Variants in LARS1 observed in about 807,000 individuals in gnomAD.
LARS1 encodes the protein leucyl-tRNA synthetase 1.
In LARS1, 100 loss-of-function variants were observed where a neutral mutation model predicts 162.8. That is an observed-to-expected ratio of 0.61 (90% CI 0.52 to 0.73). The LOEUF is 0.73. LARS1 is among the 30% of genes least tolerant of loss of function. The probability of loss-of-function intolerance (pLI) is 0.00; values close to 1 mark genes in which losing one functional copy is unlikely to be tolerated. For synonymous variants in LARS1, 457 were observed against 462.8 expected (o/e 0.99, Z 0.16); for missense variants, 1,258 against 1,408.9 (o/e 0.89, Z 1.71).
At chr5:146,121,647 T>TA (rs1751822963) in intron 30 of LARS1, among the ~76,000 whole-genome samples, 1 of 152,054 alleles carries the variant, frequency 6.6e-6, no homozygotes, top group Non-Finnish European at 1.5e-5. Flanking sequence ...TATGCAGCCA[T>TA]AAAAAATGAT....
intron 4 of LARS1, among the ~76,000 whole-genome samples, chr5:146,169,338 A>G (rs1754157041): frequency 6.6e-6 from 1 of 152,202 alleles, no homozygotes; most frequent in Admixed American, 6.5e-5. Context: ...GATGACACCA[A>G]GTAAACACTG....
At chr5:146,126,585 G>C (rs1561799142) in intron 27 of LARS1, 40 bp from the exon 28 acceptor site, 3 of 1,413,432 alleles carry the variant, frequency 2.1e-6, no homozygotes, top group Non-Finnish European at 1.0e-6. Flanking sequence ...AGAAAAAAAA[G>C]TCTCAAGAAT....
At position 146,129,124 on chromosome 5, in the gene LARS1, A is replaced by T. The variant is rs1459659757; in HGVS notation, c.2629-6T>A. On this transcript the variant is annotated splice_region_variant and splice_polypyrimidine_tract_variant and intron_variant, in intron 25 of 31. Coordinates refer to ENST00000394434, the MANE Select transcript of LARS1 (RefSeq NM_020117.11). Reference sequence around the variant, plus strand: ...GCATTCATAATTGAGTCAGGCTTTTAAAAAAAGAAAAACAAAAAAACCTTC... The same window carrying T: ...GCATTCATAATTGAGTCAGGCTTTTTAAAAAAGAAAAACAAAAAAACCTTC... 3 of 1,562,184 alleles carry T rather than the reference A, an allele frequency of 1.9e-6. No individual in the cohort carries two copies. In the Admixed American group the frequency reaches 6.5e-5, roughly 34 times the overall value.
intron 18 of LARS1, among the ~76,000 whole-genome samples, chr5:146,143,836 T>C (rs1468115564): frequency 6.6e-6 from 1 of 151,616 alleles, no homozygotes; most frequent in Non-Finnish European, 1.5e-5. Context: ...CCGTCTCTAC[T>C]AAAAGTACAA....
At chr5:146,127,506 T>C (rs1344267555) in intron 27 of LARS1, among the ~76,000 whole-genome samples, 2 of 152,026 alleles carry the variant, frequency 1.3e-5, no homozygotes, top group Admixed American at 1.3e-4. Context: ...AGCAAATGAA[T>C]AGTAAGTAAA....
At position 146,144,296 on chromosome 5, in the gene LARS1, T is replaced by C; in HGVS notation, c.1709A>G (p.Glu570Gly). ...NFEATLGWLQ[E>G]HACSRTYGLG... ...ACCATAAGTTCTTGAGCAAGCATGT[T>C]CTTGTAGCCAACCTAAGGTGGCTTC... Residue 570 changes from glutamate (E) to glycine (G), a missense_variant, in exon 18 of 32, where the codon GAA becomes GGA. Transcript: ENST00000394434. 6.2e-7 allele frequency: 1 copy of C among 1,613,052 alleles called. No individual in the cohort carries two copies. The highest frequency in any genetic ancestry group is 8.5e-7 in the Non-Finnish European group (1 of 1,179,766).
rs565370621 is a variant in LARS1, at chr5:146,129,050, T to C, written c.2697A>G (p.Ser899=). The change falls in exon 26 of 32, where the codon TCA becomes TCG. Residue 899 remains serine, a synonymous_variant. Coordinates refer to ENST00000394434, the MANE Select transcript of LARS1 (RefSeq NM_020117.11). The part of the protein sequence containing the change: ...GPVNEVLIHS[S]QYLMEVTHDL... Reference sequence around the variant, plus strand: ...CATGTGTTACTTCCATAAGATACTGTGAGGAGTGTATTAAAACTTCATTAA... The same window carrying C: ...CATGTGTTACTTCCATAAGATACTGCGAGGAGTGTATTAAAACTTCATTAA... 2.5e-6 allele frequency: 4 copies of C among 1,610,882 alleles called. No homozygotes were observed. The South Asian group carries it at 4.4e-5, about 18-fold the overall frequency.
intron 15 of LARS1, among the ~76,000 whole-genome samples, chr5:146,149,165 GA>G (rs1051434808): frequency 5.2e-4 from 79 of 152,262 alleles, no homozygotes; most frequent in African/African-American, 1.9e-3. Context: ...AAGTGATGAG[GA>G]AATTGCTGCT....
rs148121954 is a variant in LARS1 at position 146,162,493 on chromosome 5, T to A, written c.594+1817A>T. On this transcript the variant is annotated intron_variant, in intron 6 of 31. Transcript: ENST00000394434. ...TTCACCAAACCATGCTTTAAACAGA[T>A]GTGCTGTCACCCAGGCTTTATTTTT... is the stretch of plus-strand genomic sequence containing the variant. Among the ~76,000 whole-genome samples the A allele has an allele frequency of 1.2e-4, 19 of 152,314 alleles. No homozygotes were observed. In the Middle Eastern group the frequency reaches 0.01, roughly 82 times the overall value.
chr5:146,138,671 C>G (rs1334518685), intron 21 of LARS1: 1 of 147,134 alleles, frequency 6.8e-6, no homozygotes, highest in Non-Finnish European at 1.5e-5. Context: ...GAAGTTTCAG[C>G]AAGCCCAAGA....
chr5:146,178,020 C>T (rs1754676492), intron 1 of LARS1, among the ~76,000 whole-genome samples: 1 of 151,900 alleles, frequency 6.6e-6, no homozygotes, highest in Non-Finnish European at 1.5e-5. Flanking sequence ...ATCGCTTGAA[C>T]CAGGGAGGCG....
intron 23 of LARS1, chr5:146,132,671 CTAA>C: frequency 2.8e-6 from 1 of 361,278 alleles, no homozygotes; most frequent in Non-Finnish European, 4.9e-6. Flanking sequence ...TAAAATAGAG[CTAA>C]TAATATCTGT....
chr5:146,132,805 A>T lies in LARS1; in HGVS notation c.2396+93T>A, dbSNP rs201154948. On this transcript the variant is annotated intron_variant, in intron 23 of 31. Transcript: ENST00000394434. ...ATTATTATCATTAGTTTATTTTATT[A>T]AAAAAAAAAAAGAAAAGAAAAGAAA... The T allele has an allele frequency of 2.8e-3, 348 of 122,628 alleles. 8 individuals carry two copies. The South Asian group carries it at 0.095, about 34-fold the overall frequency. 7.6% of individuals were successfully genotyped at this position (122,628 alleles called of 1,614,324 possible).
chr5:146,137,851 C>A, intron 21 of LARS1: 1 of 238,648 alleles, frequency 4.2e-6, no homozygotes, highest in South Asian at 4.4e-5. Context: ...GTTAGCTGGG[C>A]ATGGTGGCTC....
At position 146,149,701 on chromosome 5, in the gene LARS1, T is replaced by G; in HGVS notation, c.1426-2A>C. ...TTTAAATCCATCCACCAACATGATC[T>G]AAAAGGATGAGAGGGGAGAAAAACC... On this transcript the variant is annotated splice_acceptor_variant, in intron 14 of 31. Transcript: ENST00000394434. LOFTEE classifies it high-confidence loss of function. The G allele has an allele frequency of 6.2e-7, 1 of 1,606,482 alleles. No individual in the cohort carries two copies. The highest frequency in any genetic ancestry group is 8.5e-7 in the Non-Finnish European group (1 of 1,173,204).
At chr5:146,135,689 T>C (rs758126408) in intron 21 of LARS1, 25 bp from the exon 22 acceptor site, 1 of 1,545,206 alleles carries the variant, frequency 6.5e-7, no homozygotes, top group East Asian at 2.3e-5. Context: ...CAGTGATCAA[T>C]CATTAATAAC....
intron 24 of LARS1, 47 bp downstream of exon 24, chr5:146,130,972 G>A (rs1293631032): frequency 1.9e-6 from 2 of 1,057,062 alleles, no homozygotes; most frequent in Middle Eastern, 2.1e-4. Context: ...AATACATAAT[G>A]TTCACATTGA....
At chr5:146,176,469 A>C (rs1264595941) in intron 2 of LARS1, among the ~76,000 whole-genome samples, 1 of 149,604 alleles carries the variant, frequency 6.7e-6, no homozygotes, top group African/African-American at 2.4e-5. Flanking sequence ...AAAAAAAAAG[A>C]AAGAAAGAAA....
chr5:146,120,564 C>T (rs1218476110), intron 30 of LARS1, 61 bp from the exon 31 acceptor site: 1 of 1,527,252 alleles, frequency 6.5e-7, no homozygotes. Context: ...GGAGGAATCT[C>T]TGCTACGTTT....
Sources: allele counts gnomAD v4.1 joint callset (sites outside exome capture counted in the v4.1 genomes callset), GRCh38; gene constraint gnomAD v4.1.1; transcripts MANE v1.5; gene names NCBI Gene and HGNC (gene_info 2026-07-23, HGNC 2026-07-21).